ARHGAP15: variants seen among roughly 807,000 people sequenced by gnomAD.
ARHGAP15 encodes the protein rho GTPase-activating protein 15.
In ARHGAP15, 51 loss-of-function variants were observed where a neutral mutation model predicts 63.7. The ratio of observed to expected loss-of-function variants is 0.80; its 90% confidence interval spans 0.64 to 1.01. The LOEUF is 1.01. ARHGAP15 is among the 50% of genes least tolerant of loss of function. The probability of loss-of-function intolerance (pLI) is 0.00; values close to 1 mark genes in which losing one functional copy is unlikely to be tolerated. For missense variants in ARHGAP15, 560 were observed against 564.6 expected, an observed-to-expected ratio of 0.99 and a Z score of 0.08; for synonymous variants, 191 against 193.8, an observed-to-expected ratio of 0.99 and a Z score of 0.12.
At position 143,392,450 on chromosome 2, in the gene ARHGAP15, A is replaced by T. The variant is rs1574382126; in HGVS notation, c.475-43151A>T. Among the ~76,000 whole-genome samples the T allele has an allele frequency of 2.0e-5, 3 of 152,342 alleles. No homozygotes were observed. The Middle Eastern group carries it at 0.01, about 518-fold the overall frequency. ...CTATTTTTTCAACAGATGTAGATTT[A>T]AAATCCTATACATACAATTGAGTGT... On this transcript the variant is annotated intron_variant, in intron 6 of 13. Transcript: ENST00000295095.
intron 6 of ARHGAP15, among the ~76,000 whole-genome samples, chr2:143,319,766 G>A (rs914253840): frequency 2.0e-5 from 3 of 152,026 alleles, no homozygotes; most frequent in Admixed American, 1.3e-4. Flanking sequence ...CCTTTTATGT[G>A]TTCTGTGCAC....
chr2:143,553,286 T>G (rs1410691471), intron 10 of ARHGAP15, among the ~76,000 whole-genome samples: 4 of 152,194 alleles, frequency 2.6e-5, no homozygotes, highest in Non-Finnish European at 1.5e-5. Context: ...TCTATTTATG[T>G]AATTTAAAAA....
At chr2:143,542,899 A>G (rs1376681112) in intron 10 of ARHGAP15, among the ~76,000 whole-genome samples, 11 of 147,040 alleles carry the variant, frequency 7.5e-5, no homozygotes. Flanking sequence ...TATATCATAT[A>G]TAATAACATA....
chr2:143,553,337 C>T lies in ARHGAP15; in HGVS notation c.926-3071C>T, dbSNP rs369011045. On this transcript the variant is annotated intron_variant, in intron 10 of 13. Transcript: ENST00000295095. ...AGCATGAGCCATTCAAAGCAGGAGC[C>T]GCTAATGTCAGAGATCATTATCACT... 1.2e-4 allele frequency among the ~76,000 whole-genome samples: 19 copies of T among 152,238 alleles called. No individual in the cohort carries two copies. In the South Asian group the frequency reaches 3.3e-3, roughly 27 times the overall value.
At chr2:143,287,768 A>G (rs373559112) in intron 6 of ARHGAP15, among the ~76,000 whole-genome samples, 1 of 151,962 alleles carries the variant, frequency 6.6e-6, no homozygotes, top group East Asian at 1.9e-4. Context: ...GCGCCATTGC[A>G]CTCCAGCCTG....
chr2:143,329,092 AG>A (rs1458950196), intron 6 of ARHGAP15, among the ~76,000 whole-genome samples: 2 of 152,260 alleles, frequency 1.3e-5, no homozygotes, highest in African/African-American at 4.8e-5. Flanking sequence ...GTGTTAAAGC[AG>A]TAACTTTACT....
At chr2:143,422,617 A>T (rs1405464296) in intron 6 of ARHGAP15, among the ~76,000 whole-genome samples, 1 of 152,104 alleles carries the variant, frequency 6.6e-6, no homozygotes, top group Non-Finnish European at 1.5e-5. Context: ...CACTGACATG[A>T]CTCATTTTCA....
chr2:143,305,669 A>C (rs1683133423), intron 6 of ARHGAP15, among the ~76,000 whole-genome samples: 2 of 152,120 alleles, frequency 1.3e-5, no homozygotes, highest in Admixed American at 1.3e-4. Context: ...TAAAATTATA[A>C]AACCCAAATA....
At chr2:143,497,386 C>T (rs1692862303) in intron 9 of ARHGAP15, among the ~76,000 whole-genome samples, 1 of 152,128 alleles carries the variant, frequency 6.6e-6, no homozygotes. Context: ...TAAATCTTTC[C>T]TCTGTGAAAC....
At chr2:143,344,413 G>A (rs1685182511) in intron 6 of ARHGAP15, among the ~76,000 whole-genome samples, 1 of 152,070 alleles carries the variant, frequency 6.6e-6, no homozygotes, top group Admixed American at 6.6e-5. Flanking sequence ...CTTTAGTTAT[G>A]TAATTATTTA....
At chr2:143,433,218 C>T (rs1689465684) in intron 6 of ARHGAP15, among the ~76,000 whole-genome samples, 1 of 152,012 alleles carries the variant, frequency 6.6e-6, no homozygotes, top group East Asian at 1.9e-4. Flanking sequence ...ATTAAATGGG[C>T]TTTACCAGTC....
At chr2:143,140,198 T>A (rs1689304178) in intron 1 of ARHGAP15, among the ~76,000 whole-genome samples, 1 of 152,132 alleles carries the variant, frequency 6.6e-6, no homozygotes, top group Non-Finnish European at 1.5e-5. Context: ...TTCTTGCTAT[T>A]AGTTTCATTT....
intron 11 of ARHGAP15, among the ~76,000 whole-genome samples, chr2:143,623,534 TA>T (rs59749655): frequency 2.1e-4 from 31 of 148,174 alleles, no homozygotes; most frequent in South Asian, 1.3e-3. Context: ...AGATGAGAAC[TA>T]AAAAAAAAAG....
intron 6 of ARHGAP15, among the ~76,000 whole-genome samples, chr2:143,309,147 A>T (rs1034466712): frequency 2.0e-5 from 3 of 152,042 alleles, no homozygotes; most frequent in African/African-American, 7.2e-5. Context: ...TTGTTCAGCT[A>T]ATGAGGCCTA....
At chr2:143,590,592 C>A (rs1000940437) in intron 11 of ARHGAP15, among the ~76,000 whole-genome samples, 26 of 152,162 alleles carry the variant, frequency 1.7e-4, no homozygotes, top group African/African-American at 4.6e-4. Flanking sequence ...TTCCTCACCC[C>A]CAACCATCCA....
intron 8 of ARHGAP15, among the ~76,000 whole-genome samples, chr2:143,439,675 T>C (rs1416236542): frequency 6.6e-6 from 1 of 151,948 alleles, no homozygotes; most frequent in Non-Finnish European, 1.5e-5. Flanking sequence ...AGGAGAAAAC[T>C]GAGGCATGAA....
chr2:143,258,674 G>A (rs1680547801), intron 6 of ARHGAP15, among the ~76,000 whole-genome samples: 1 of 152,158 alleles, frequency 6.6e-6, no homozygotes, highest in Non-Finnish European at 1.5e-5. Context: ...AAATGAAATG[G>A]TTGATGTTGG....
chr2:143,639,525 C>A (rs548873160), intron 12 of ARHGAP15, among the ~76,000 whole-genome samples: 2 of 152,200 alleles, frequency 1.3e-5, no homozygotes, highest in Admixed American at 1.3e-4. Context: ...GCTAAGAGCA[C>A]CTATTCTGTG....
At chr2:143,483,441 A>G (rs1692167080) in intron 8 of ARHGAP15, among the ~76,000 whole-genome samples, 1 of 152,230 alleles carries the variant, frequency 6.6e-6, no homozygotes, top group Admixed American at 6.5e-5. Flanking sequence ...GGAAATGGCA[A>G]GGTTTTTGAG....
Sources: gnomAD v4.1 joint callset for allele counts (sites outside exome capture counted in the v4.1 genomes callset) on GRCh38, gnomAD v4.1.1 for gene constraint, MANE v1.5 for transcripts, NCBI Gene and HGNC (gene_info 2026-07-23, HGNC 2026-07-21) for gene names.